The following DACH2 variants were observed in gnomAD, a reference collection of about 807,000 sequenced individuals.
The protein encoded by DACH2 is dachshund family transcription factor 2.
A neutral mutation model predicts 35.8 loss-of-function variants in DACH2; 17 were observed. That is an observed-to-expected ratio of 0.48 (90% CI 0.33 to 0.71). The LOEUF is 0.71. Ranked by LOEUF, DACH2 falls within the 30% of genes least tolerant of loss-of-function variation. The pLI, the probability that DACH2 is intolerant of heterozygous loss-of-function variation, is 0.02. For synonymous variants in DACH2, 195 were observed against 177.3 expected (o/e 1.10, Z -0.79); for missense variants, 469 against 472.7 (o/e 0.99, Z 0.07).
chrX:86,640,126 T>A (rs1020289670), intron 3 of DACH2, among the ~76,000 whole-genome samples: 1 of 110,830 alleles, frequency 9.0e-6, no homozygotes, highest in Admixed American at 9.6e-5. Context: ...GCCAGATTGT[T>A]ACATGCGTGC....
At chrX:86,317,829 G>A (rs776442404) in intron 1 of DACH2, among the ~76,000 whole-genome samples, 35 of 111,077 alleles carry the variant, frequency 3.2e-4, no homozygotes, top group South Asian at 3.8e-4. Context: ...AGAGCGTGGG[G>A]TTCCTAGGCC....
intron 2 of DACH2, among the ~76,000 whole-genome samples, chrX:86,449,533 ATT>A (rs1199340618): frequency 1.8e-5 from 2 of 111,523 alleles, no homozygotes; most frequent in African/African-American, 6.5e-5. Context: ...TATTTTAAAA[ATT>A]GTTTTCTAGT....
chrX:86,688,169 A>G (rs1211872072), intron 4 of DACH2, among the ~76,000 whole-genome samples: 1 of 112,225 alleles, frequency 8.9e-6, no homozygotes, highest in Non-Finnish European at 1.9e-5. Flanking sequence ...GTTTGTATAT[A>G]AACATTCTGG....
At chrX:86,670,132 C>A (rs965211590) in intron 4 of DACH2, among the ~76,000 whole-genome samples, 1 of 111,282 alleles carries the variant, frequency 9.0e-6, no homozygotes, top group Admixed American at 9.6e-5. Context: ...CAGTGTAATA[C>A]TTGTCTGTTT....
At chrX:86,198,520 T>A (rs1309338290) in intron 1 of DACH2, among the ~76,000 whole-genome samples, 1 of 110,351 alleles carries the variant, frequency 9.1e-6, no homozygotes, top group Non-Finnish European at 1.9e-5. Flanking sequence ...ACAGATAGAC[T>A]GCTAGCTAGA....
intron 2 of DACH2, among the ~76,000 whole-genome samples, chrX:86,460,762 A>T: frequency 9.0e-6 from 1 of 110,962 alleles, no homozygotes; most frequent in East Asian, 2.8e-4. Flanking sequence ...AAGCAAGGAA[A>T]CTTACAAGTG....
At position 86,584,105 on chromosome X, in the gene DACH2, C is replaced by A. The variant is rs779129914; in HGVS notation, c.641-66931C>A. ...AAGTTTTCAACTATGAATTCAATTT[C>A]TTTGTTTCAAATTTTTACTTAATTT... On this transcript the variant is annotated intron_variant, in intron 3 of 11. Transcript: ENST00000373125. Among the ~76,000 whole-genome samples, 39 of 110,967 alleles carry A rather than the reference C, an allele frequency of 3.5e-4. 1 individual carries two copies. In the South Asian group the frequency reaches 0.015, roughly 41 times the overall value.
At chrX:86,342,131 A>G (rs2035423535) in intron 1 of DACH2, among the ~76,000 whole-genome samples, 1 of 111,950 alleles carries the variant, frequency 8.9e-6, no homozygotes, top group Non-Finnish European at 1.9e-5. Context: ...GCTATCAAAC[A>G]GCATGACATA....
chrX:86,619,556 A>T (rs570038256), intron 3 of DACH2, among the ~76,000 whole-genome samples: 6 of 112,278 alleles, frequency 5.3e-5, no homozygotes, highest in African/African-American at 1.9e-4. Context: ...TTGTCCTATG[A>T]ACTCTGTGGC....
intron 2 of DACH2, among the ~76,000 whole-genome samples, chrX:86,429,318 G>A (rs2036944692): frequency 9.1e-6 from 1 of 110,214 alleles, no homozygotes; most frequent in Admixed American, 9.7e-5. Context: ...TCTCCCAGTT[G>A]CATTTTACCC....
intron 3 of DACH2, among the ~76,000 whole-genome samples, chrX:86,535,196 T>C (rs991812306): frequency 1.8e-5 from 2 of 111,647 alleles, no homozygotes; most frequent in Non-Finnish European, 3.8e-5. Context: ...AACTCATCCA[T>C]TTAGTATTTA....
At chrX:86,295,886 G>A (rs1477173692) in intron 1 of DACH2, among the ~76,000 whole-genome samples, 7 of 109,572 alleles carry the variant, frequency 6.4e-5, no homozygotes, top group South Asian at 7.9e-4. Context: ...TTATAATCAG[G>A]TACTATGAGT....
intron 2 of DACH2, among the ~76,000 whole-genome samples, chrX:86,453,588 T>TA (rs895451038): frequency 9.0e-6 from 1 of 110,812 alleles, no homozygotes; most frequent in African/African-American, 3.3e-5. Context: ...GTCTTTTTTT[T>TA]ATCTTTGTTG....
At chrX:86,309,389 A>G (rs1244493937) in intron 1 of DACH2, among the ~76,000 whole-genome samples, 1 of 112,361 alleles carries the variant, frequency 8.9e-6, no homozygotes, top group Non-Finnish European at 1.9e-5. Context: ...TCCTGTTTAT[A>G]AGCCCCACCA....
At chrX:86,224,248 A>G (rs2032774776) in intron 1 of DACH2, among the ~76,000 whole-genome samples, 1 of 111,538 alleles carries the variant, frequency 9.0e-6, no homozygotes, top group Admixed American at 9.6e-5. Context: ...ATTTAAGAGC[A>G]TGTGTTTTTG....
chrX:86,633,251 TA>T (rs1435154504), intron 3 of DACH2, among the ~76,000 whole-genome samples: 1 of 110,234 alleles, frequency 9.1e-6, no homozygotes, highest in Non-Finnish European at 1.9e-5. Flanking sequence ...TAAACATAAT[TA>T]AAAATGAAAA....
chrX:86,539,990 A>G (rs778267660), intron 3 of DACH2, among the ~76,000 whole-genome samples: 4 of 111,504 alleles, frequency 3.6e-5, no homozygotes, highest in Non-Finnish European at 7.5e-5. Flanking sequence ...CAGTGTGAAT[A>G]ATTAATTAAA....
chrX:86,525,374 A>G (rs2038616208), intron 3 of DACH2, among the ~76,000 whole-genome samples: 2 of 111,476 alleles, frequency 1.8e-5, no homozygotes, highest in Admixed American at 9.6e-5. Context: ...AAACACTTTA[A>G]TTTTCTTTTT....
intron 1 of DACH2, among the ~76,000 whole-genome samples, chrX:86,291,640 G>A (rs1301656726): frequency 1.8e-5 from 2 of 108,243 alleles, no homozygotes; most frequent in Non-Finnish European, 3.8e-5. Flanking sequence ...ATGAAGGGTT[G>A]TTAAATTTTG....
Sources: gnomAD v4.1 joint callset for allele counts (sites outside exome capture counted in the v4.1 genomes callset) on GRCh38, gnomAD v4.1.1 for gene constraint, MANE v1.5 for transcripts, NCBI Gene and HGNC (gene_info 2026-07-23, HGNC 2026-07-21) for gene names.